The following ECPAS variants were observed in gnomAD, a reference collection of about 807,000 sequenced individuals.
ECPAS encodes Ecm29 proteasome adaptor and scaffold.
A neutral mutation model predicts 255.1 loss-of-function variants in ECPAS; 70 were observed. The observed-to-expected ratio is 0.27, with a 90% CI of 0.23 to 0.33. ECPAS has a LOEUF of 0.33. ECPAS is among the 10% of genes least tolerant of loss of function. ECPAS has a pLI of 1.00. For missense variants in ECPAS, 1,817 were observed against 2,206.4 expected, an observed-to-expected ratio of 0.82 and a Z score of 3.54; for synonymous variants, 784 against 775.0, an observed-to-expected ratio of 1.01 and a Z score of -0.19.
intron 38 of ECPAS, among the ~76,000 whole-genome samples, chr9:111,374,657 A>G (rs2098131282): frequency 6.6e-6 from 1 of 152,258 alleles, no homozygotes; most frequent in African/African-American, 2.4e-5. Flanking sequence ...TAATTTTGTC[A>G]TAAGAAAAAA....
intron 13 of ECPAS, 51 bp from the exon 14 acceptor site, chr9:111,422,251 A>G (rs1234777370): frequency 6.5e-7 from 1 of 1,545,228 alleles, no homozygotes; most frequent in Non-Finnish European, 8.9e-7. Flanking sequence ...CCAAGAGATG[A>G]AAAAGGGAAA....
In ECPAS at chr9:111,389,734, T is replaced by C. The variant is rs755526019; in HGVS notation, c.3280-11A>G. 12 of 1,597,956 alleles carry C rather than the reference T, an allele frequency of 7.5e-6. No individual in the cohort carries two copies. The highest frequency in any genetic ancestry group is 2.2e-5 in the East Asian group (1 of 44,702). ...ACCAAAAGCAGCACCCTAAAAATAATAGGCTGAAGTGACTCAGATGCACCA... is the reference window on the plus strand; with the variant it reads ...ACCAAAAGCAGCACCCTAAAAATAACAGGCTGAAGTGACTCAGATGCACCA... On this transcript the variant is annotated splice_polypyrimidine_tract_variant and intron_variant, in intron 30 of 49. Coordinates refer to ENST00000684092, the MANE Select transcript of ECPAS (RefSeq NM_001364929.1).
At chr9:111,389,946 T>TTAA (rs2098156833) in intron 30 of ECPAS, 38 bp downstream of exon 30, 2 of 1,405,538 alleles carry the variant, frequency 1.4e-6, no homozygotes, top group African/African-American at 2.8e-5. Context: ...TTGGTTTGCA[T>TTAA]GAAAAAAATA....
Position 111,484,202 on chromosome 9 carries a change from GC to G in ECPAS, c.-170del. The G allele has an allele frequency of 2.7e-6, 4 of 1,473,982 alleles. No individual in the cohort carries two copies. Among genetic ancestry groups the G allele is most frequent in the East Asian group, 2.9e-5 (1 of 34,954 alleles). 91.3% of individuals were successfully genotyped at this position (1,473,982 alleles called of 1,614,324 possible). Reference sequence around the variant, plus strand: ...TAGAGCGAGGCGTTCGGCGGGCCGGGCCCCGGGGAGCCGCGCGCCGCAGTCC... The same window carrying G: ...TAGAGCGAGGCGTTCGGCGGGCCGGGCCCGGGGAGCCGCGCGCCGCAGTCC... On this transcript the variant is annotated 5_prime_UTR_variant, in exon 1 of 50. Coordinates refer to ENST00000684092, the MANE Select transcript of ECPAS (RefSeq NM_001364929.1).
chr9:111,472,045 T>G (rs575694882), intron 2 of ECPAS, among the ~76,000 whole-genome samples: 38 of 152,164 alleles, frequency 2.5e-4, no homozygotes, highest in African/African-American at 8.9e-4. Flanking sequence ...AAGGCTGCAG[T>G]GAGCCATGAT....
intron 2 of ECPAS, among the ~76,000 whole-genome samples, chr9:111,467,241 G>A (rs993517060): frequency 4.6e-5 from 7 of 152,078 alleles, no homozygotes; most frequent in African/African-American, 1.7e-4. Flanking sequence ...AAGAAGAGAT[G>A]AGAAAAGAGA....
chr9:111,393,555 A>T, intron 27 of ECPAS, 125 bp downstream of exon 27: 1 of 673,236 alleles, frequency 1.5e-6, no homozygotes. Flanking sequence ...ACTAACAAAT[A>T]AGGTTTAATA....
At position 111,412,165 on chromosome 9, in the gene ECPAS, A is replaced by G; in HGVS notation, c.2080-17T>C. 2 of 1,549,708 alleles carry G rather than the reference A, an allele frequency of 1.3e-6. No individual in the cohort carries two copies. The highest frequency in any genetic ancestry group is 1.7e-6 in the Non-Finnish European group (2 of 1,159,826). ...CATCAGACTCTGAGCAGTATAAAAA[A>G]AAAACAAATATATACATGACACAGA... On this transcript the variant is annotated splice_polypyrimidine_tract_variant and intron_variant, in intron 20 of 49. Transcript: ENST00000684092.
Position 111,392,806 on chromosome 9 carries a change from C to A in ECPAS, c.3054G>T (p.Leu1018Phe). 1 of 1,613,466 alleles carries A rather than the reference C, an allele frequency of 6.2e-7. No individual in the cohort carries two copies. The highest frequency in any genetic ancestry group is 1.1e-5 in the South Asian group (1 of 90,984). ...ELGNEQDQQE[L>F]VSTLVETLMT... ...TAAGTGTTTCCACAAGTGTAGAAAC[C>A]AATTCCTGTTGATCTTGTTCATTGC... is the stretch of plus-strand genomic sequence containing the variant. Residue 1018 changes from leucine to phenylalanine, a missense_variant, in exon 28 of 50, where the codon TTG (leucine) becomes TTT (phenylalanine). By Grantham distance (22) the Leu-to-Phe change is conservative. Transcript: ENST00000684092.
At position 111,484,176 on chromosome 9, in the gene ECPAS, GT is replaced by G; in HGVS notation, c.-144del. ...CGCTCGGCGCCGCGAGGTGAGGGCT[GT>G]AGAGCGAGGCGTTCGGCGGGCCGGG... On this transcript the variant is annotated 5_prime_UTR_variant, in exon 1 of 50. Coordinates refer to ENST00000684092, the MANE Select transcript of ECPAS (RefSeq NM_001364929.1). 1 of 1,484,474 alleles carries G rather than the reference GT, an allele frequency of 6.7e-7. No individual in the cohort carries two copies. Among genetic ancestry groups the G allele is most frequent in the Non-Finnish European group, 8.9e-7 (1 of 1,120,184 alleles). The allele number at this position is 1,484,474 out of a possible 1,614,324, so 92.0% of individuals were successfully genotyped here.
Position 111,422,256 on chromosome 9 carries a change from G to C in ECPAS, c.1266-56C>G, listed in dbSNP as rs532193833. On this transcript the variant is annotated intron_variant, in intron 13 of 49. Transcript: ENST00000684092. Reference sequence around the variant, plus strand: ...TCATAAATTTCCAAGAGATGAAAAAGGGAAAAAATGAAACTAAACACAAAT... The same window carrying C: ...TCATAAATTTCCAAGAGATGAAAAACGGAAAAAATGAAACTAAACACAAAT... 1.9e-6 allele frequency: 3 copies of C among 1,548,366 alleles called. No individual in the cohort carries two copies. The African/African-American group carries it at 4.1e-5, about 21-fold the overall frequency.
intron 21 of ECPAS, 173 bp downstream of exon 21, chr9:111,411,841 T>C (rs1299619151): frequency 1.8e-6 from 1 of 546,854 alleles, no homozygotes; most frequent in African/African-American, 2.0e-5. Context: ...CCCGTATCTG[T>C]TAAGTGAGCT....
chr9:111,425,040 T>C (rs1482384105), intron 12 of ECPAS, among the ~76,000 whole-genome samples: 1 of 151,712 alleles, frequency 6.6e-6, no homozygotes, highest in Admixed American at 6.6e-5. Flanking sequence ...AAAAATTAGC[T>C]GGGTGTGGTG....
chr9:111,481,153 C>T (rs576428185), intron 1 of ECPAS, among the ~76,000 whole-genome samples: 162 of 152,342 alleles, frequency 1.1e-3, no homozygotes, highest in African/African-American at 3.7e-3. Context: ...GAAATTAGAA[C>T]TCTGTGTATT....
At chr9:111,389,762 A>G in intron 30 of ECPAS, 39 bp from the exon 31 acceptor site, 7 of 1,556,010 alleles carry the variant, frequency 4.5e-6, no homozygotes, top group Non-Finnish European at 6.1e-6. Flanking sequence ...ATGCACCATT[A>G]TAGTAAAATA....
chr9:111,466,671 G>A (rs1426559738), intron 2 of ECPAS, among the ~76,000 whole-genome samples: 1 of 150,598 alleles, frequency 6.6e-6, no homozygotes, highest in Non-Finnish European at 1.5e-5. Flanking sequence ...TTATTTTGGA[G>A]ACAGGGTTCT....
chr9:111,466,032 CAAA>C (rs1050074650), intron 2 of ECPAS, among the ~76,000 whole-genome samples: 1 of 134,020 alleles, frequency 7.5e-6, no homozygotes, highest in Non-Finnish European at 1.6e-5. Flanking sequence ...GACCCTGTCC[CAAA>C]AAAAAAAAGT....
At chr9:111,412,252 T>C (rs933418368) in intron 20 of ECPAS, 104 bp from the exon 21 acceptor site, 10 of 992,460 alleles carry the variant, frequency 1.0e-5, no homozygotes, top group African/African-American at 6.9e-5. Flanking sequence ...TTGATGGATA[T>C]TGAGAAAAAA....
In ECPAS at chr9:111,430,872, A is replaced by C. The variant is rs143944133; in HGVS notation, c.849-244T>G. Among the ~76,000 whole-genome samples the C allele has an allele frequency of 2.0e-5, 3 of 152,362 alleles. No homozygotes were observed. In the East Asian group the frequency reaches 5.8e-4, roughly 29 times the overall value. ...CAGACTCAACAGATTATTGTATCCA[A>C]TGGCACAATTTGGTACCACAAGAAC... On this transcript the variant is annotated intron_variant, in intron 8 of 49. Transcript: ENST00000684092.
Sources: gnomAD v4.1 joint callset for allele counts (sites outside exome capture counted in the v4.1 genomes callset) on GRCh38, gnomAD v4.1.1 for gene constraint, MANE v1.5 for transcripts, NCBI Gene and HGNC (gene_info 2026-07-23, HGNC 2026-07-21) for gene names.